CNOT1: variants seen among roughly 807,000 people sequenced by gnomAD.
The protein encoded by CNOT1 is CCR4-NOT transcription complex subunit 1, also known as CCR4-associated factor 1.
Under a neutral mutation model 273.8 loss-of-function variants are expected in CNOT1, and 15 were observed. The ratio of observed to expected loss-of-function variants is 0.05; its 90% CI spans 0.04 to 0.08. The LOEUF is 0.08. Among genes scored for constraint, CNOT1 ranks in the 10% least tolerant of loss-of-function variants. The pLI, the probability that CNOT1 is intolerant of heterozygous loss-of-function variation, is 1.00. For synonymous variants in CNOT1, 1,022 were observed against 1,005.5 expected, an observed-to-expected ratio of 1.02 and a Z score of -0.31; for missense variants, 1,644 against 2,912.2, an observed-to-expected ratio of 0.56 and a Z score of 10.02.
chr16:58,607,884 A>C (rs948595745), intron 1 of CNOT1, among the ~76,000 whole-genome samples: 4 of 152,200 alleles, frequency 2.6e-5, no homozygotes, highest in Non-Finnish European at 4.4e-5. Context: ...GAAAATTTTA[A>C]GAAAAGGCCA....
In CNOT1 at chr16:58,542,300, T is replaced by C; in HGVS notation, c.4611A>G (p.Gly1537=). The part of the protein sequence containing the change: ...FELRKHARQE[G]RRYCDPVVLT... The stretch of plus-strand genomic sequence containing the variant: ...AAACAACAGGATCACAGTATCTGCG[T>C]CCTTCTTGCCTAGCATGTTTTCTCA... Residue 1537 remains glycine (G), a synonymous_variant, in exon 33 of 49, where the codon GGA becomes GGG. Coordinates refer to ENST00000317147, the MANE Select transcript of CNOT1 (RefSeq NM_016284.5). 1 of 1,614,138 alleles carries C rather than the reference T, an allele frequency of 6.2e-7. No individual in the cohort carries two copies. The highest frequency in any genetic ancestry group is 8.5e-7 in the Non-Finnish European group (1 of 1,180,016).
At chr16:58,564,917 C>G (rs914593801) in intron 16 of CNOT1, among the ~76,000 whole-genome samples, 2 of 151,884 alleles carry the variant, frequency 1.3e-5, no homozygotes, top group Non-Finnish European at 2.9e-5. Context: ...GCCTGGGTAA[C>G]AAGAGAAAAA....
In CNOT1 at chr16:58,523,420, C is replaced by A. The variant is rs1368424463; in HGVS notation, c.6867G>T (p.Leu2289=). Residue 2289 remains leucine (L), a synonymous_variant, in exon 47 of 49, where the codon CTG becomes CTT. Coordinates refer to ENST00000317147, the MANE Select transcript of CNOT1 (RefSeq NM_016284.5). ...SHTHYFSCTM[L]YLFAEANTEA... ...CCGTATTGGCCTCTGCAAAAAGGTA[C>A]AGCATGGTGCAACTGAAGTAGTGAG... is the stretch of plus-strand genomic sequence containing the variant. The A allele has an allele frequency of 2.5e-6, 4 of 1,613,990 alleles. No individual in the cohort carries two copies. The African/African-American group carries it at 5.3e-5, about 22-fold the overall frequency.
At chr16:58,568,370 A>AG (rs1447285457) in intron 16 of CNOT1, among the ~76,000 whole-genome samples, 33 of 131,372 alleles carry the variant, frequency 2.5e-4, no homozygotes, top group Non-Finnish European at 5.0e-4. Context: ...CTCCATCTCA[A>AG]GAAAAAAAAA....
At chr16:58,529,809 C>A (rs1055722482) in intron 43 of CNOT1, among the ~76,000 whole-genome samples, 4 of 137,478 alleles carry the variant, frequency 2.9e-5, no homozygotes, top group Non-Finnish European at 6.1e-5. Flanking sequence ...CCACTGCACT[C>A]CAGCCTGGGT....
chr16:58,572,552 C>T (rs2041311645), intron 16 of CNOT1, among the ~76,000 whole-genome samples: 1 of 151,682 alleles, frequency 6.6e-6, no homozygotes, highest in African/African-American at 2.4e-5. Flanking sequence ...GAGGTGGAGG[C>T]TGCAGTGAGC....
intron 2 of CNOT1, among the ~76,000 whole-genome samples, chr16:58,598,177 T>C (rs2042328631): frequency 6.6e-6 from 1 of 152,036 alleles, no homozygotes; most frequent in African/African-American, 2.4e-5. Flanking sequence ...GGCAGGCAGA[T>C]CACCTGAGGT....
chr16:58,540,509 T>C (rs968698317), intron 34 of CNOT1, among the ~76,000 whole-genome samples: 6 of 152,194 alleles, frequency 3.9e-5, no homozygotes, highest in Non-Finnish European at 7.3e-5. Context: ...GTTATGGTCA[T>C]GAAAGATGAG....
rs1269434050 is a variant in CNOT1 at position 58,553,824 on chromosome 16, A to C, written c.2928T>G (p.Ala976=). Residue 976 remains alanine (A), a synonymous_variant, in exon 22 of 49, where the codon GCT becomes GCG. Transcript: ENST00000317147. ...KDYPQYCQHL[A]SISHFMQFPH... The stretch of plus-strand genomic sequence containing the variant: ...GAAATTGCATAAAGTGACTGATAGA[A>C]GCCAAATGCTGACAATACTGGGGAT... 2 of 1,611,942 alleles carry C rather than the reference A, an allele frequency of 1.2e-6. No individual in the cohort carries two copies. The highest frequency in any genetic ancestry group is 3.4e-5 in the Admixed American group (2 of 59,668).
At chr16:58,531,589 A>C (rs2039779891) in intron 42 of CNOT1, among the ~76,000 whole-genome samples, 4 of 152,180 alleles carry the variant, frequency 2.6e-5, no homozygotes, top group Admixed American at 2.6e-4. Flanking sequence ...ATGGATTTCA[A>C]CTTTAAAAAC....
chr16:58,563,053 T>C (rs1217212330), intron 16 of CNOT1, among the ~76,000 whole-genome samples: 1 of 152,146 alleles, frequency 6.6e-6, no homozygotes. Flanking sequence ...CTTGTGCCAA[T>C]AGCAAAATAA....
chr16:58,573,585 A>AT (rs1486402233), intron 16 of CNOT1, among the ~76,000 whole-genome samples: 10 of 146,872 alleles, frequency 6.8e-5, no homozygotes, highest in Admixed American at 1.4e-4. Flanking sequence ...GGTTCACACT[A>AT]TTCTCCTGCC....
chr16:58,582,731 G>T, intron 10 of CNOT1, 62 bp downstream of exon 10: 1 of 948,688 alleles, frequency 1.1e-6, no homozygotes, highest in South Asian at 1.4e-5. Context: ...TTAAAAATTT[G>T]CTTTCTTTGG....
intron 16 of CNOT1, among the ~76,000 whole-genome samples, chr16:58,562,504 T>TA (rs60384906): frequency 0.012 from 1,639 of 135,100 alleles, 33 homozygotes; most frequent in African/African-American, 0.042. Context: ...ACCCTGTCTC[T>TA]AAAAAAAATA....
chr16:58,618,766 G>GA (rs1215021813), intron 1 of CNOT1, among the ~76,000 whole-genome samples: 1 of 151,956 alleles, frequency 6.6e-6, no homozygotes, highest in East Asian at 1.9e-4. Flanking sequence ...TGTCTGACAT[G>GA]AAAAAAAGAG....
intron 16 of CNOT1, among the ~76,000 whole-genome samples, chr16:58,570,758 C>G (rs934714270): frequency 6.6e-6 from 1 of 151,802 alleles, no homozygotes; most frequent in East Asian, 1.9e-4. Flanking sequence ...TGGATCCTAC[C>G]GAAACTAAAA....
chr16:58,602,553 CAAAAAAAAAAAAA>C (rs60230860), intron 1 of CNOT1, among the ~76,000 whole-genome samples: 2 of 57,964 alleles, frequency 3.5e-5, no homozygotes, highest in African/African-American at 8.2e-5. Flanking sequence ...ACTCTGTCTC[CAAAAAAAAAAAAA>C]AAAAAAAAAA....
Position 58,579,290 on chromosome 16 carries a change from A to C in CNOT1, c.1344-351T>G, listed in dbSNP as rs149158688. The stretch of plus-strand genomic sequence containing the variant: ...AAATCAATGGCAAAAAATAAATTTA[A>C]AAGACAGAACAAAGACAGATTTACA... On this transcript the variant is annotated intron_variant, in intron 12 of 48. Coordinates refer to ENST00000317147, the MANE Select transcript of CNOT1 (RefSeq NM_016284.5). Among the ~76,000 whole-genome samples, 99 of 152,318 alleles carry C rather than the reference A, an allele frequency of 6.5e-4. No individual in the cohort carries two copies. In the East Asian group the frequency reaches 0.017, roughly 27 times the overall value.
At chr16:58,531,881 G>A in intron 42 of CNOT1, 77 bp downstream of exon 42, 1 of 1,511,748 alleles carries the variant, frequency 6.6e-7, no homozygotes, top group Non-Finnish European at 9.0e-7. Context: ...ATGACTAATA[G>A]AAATCTATAG....
Sources: gnomAD v4.1 joint callset for allele counts (sites outside exome capture counted in the v4.1 genomes callset) on GRCh38, gnomAD v4.1.1 for gene constraint, MANE v1.5 for transcripts, NCBI Gene and HGNC (gene_info 2026-07-23, HGNC 2026-07-21) for gene names.